CEP128: variants seen among roughly 807,000 people sequenced by gnomAD.
The protein encoded by CEP128 is centrosomal protein 128.
CEP128 carries 132 observed loss-of-function variants against 156.7 expected under a neutral mutation model. The observed-to-expected ratio is 0.84, with a 90% confidence interval of 0.73 to 0.97. CEP128 has a LOEUF of 0.97. Among genes scored for constraint, CEP128 ranks in the 50% least tolerant of loss-of-function variants. The pLI, the probability that CEP128 is intolerant of heterozygous loss-of-function variation, is 0.00. For missense variants in CEP128, 1,252 were observed against 1,281.9 expected (o/e 0.98, Z 0.36); for synonymous variants, 469 against 448.9 (o/e 1.04, Z -0.57).
intron 2 of CEP128, chr14:80,955,288 G>A: frequency 2.7e-6 from 1 of 375,584 alleles, no homozygotes; most frequent in Non-Finnish European, 5.0e-6. Flanking sequence ...GATTTAAAGA[G>A]GAGGAAAGGA....
chr14:80,555,139 TTATC>T (rs1890377508), intron 21 of CEP128, among the ~76,000 whole-genome samples: 3 of 152,240 alleles, frequency 2.0e-5, no homozygotes, highest in South Asian at 4.1e-4. Flanking sequence ...TCTCAAACTG[TTATC>T]TATCTCTCTA....
intron 19 of CEP128, among the ~76,000 whole-genome samples, chr14:80,690,681 A>G (rs1340947618): frequency 6.6e-6 from 1 of 152,192 alleles, no homozygotes; most frequent in Admixed American, 6.5e-5. Context: ...CTAACAATGA[A>G]TCCAACTAAC....
In CEP128 at chr14:80,530,920, TA is replaced by T. The variant is rs60585438; in HGVS notation, c.2881-35del. 3,100 of 1,413,260 alleles carry T rather than the reference TA, an allele frequency of 2.2e-3. 58 individuals carry two copies. In the African/African-American group the frequency reaches 0.04, roughly 18 times the overall value. 87.5% of individuals were successfully genotyped at this position (1,413,260 alleles called of 1,614,324 possible). A position where few individuals can be genotyped will look rare whatever the true frequency, so the allele number is the denominator to read the frequency against. Reference sequence around the variant, plus strand: ...GAAAACATAAGGAAACCAAACATTATAAAAAATTGATTAATACTCTCAGAAT... The same window carrying T: ...GAAAACATAAGGAAACCAAACATTATAAAAATTGATTAATACTCTCAGAAT... On this transcript the variant is annotated intron_variant, in intron 21 of 24. Transcript: ENST00000555265.
intron 19 of CEP128, among the ~76,000 whole-genome samples, chr14:80,643,517 G>A (rs184910241): frequency 9.9e-5 from 15 of 152,222 alleles, no homozygotes; most frequent in African/African-American, 3.1e-4. Flanking sequence ...AGGAGATCAA[G>A]ACCAGTCTGG....
intron 9 of CEP128, among the ~76,000 whole-genome samples, chr14:80,860,007 G>C (rs1887435801): frequency 6.6e-6 from 1 of 152,142 alleles, no homozygotes; most frequent in African/African-American, 2.4e-5. Flanking sequence ...ACAGTGGCTA[G>C]AAGTTCAGGC....
intron 19 of CEP128, among the ~76,000 whole-genome samples, chr14:80,705,716 T>C (rs1221457223): frequency 6.6e-6 from 1 of 152,126 alleles, no homozygotes; most frequent in Non-Finnish European, 1.5e-5. Context: ...GCTTGGAGCC[T>C]TGGGGCAGCC....
chr14:80,749,090 A>C (rs996304621), intron 18 of CEP128, among the ~76,000 whole-genome samples: 1 of 152,114 alleles, frequency 6.6e-6, no homozygotes, highest in African/African-American at 2.4e-5. Context: ...GTGGACACAG[A>C]GGTGCTTGTT....
intron 19 of CEP128, among the ~76,000 whole-genome samples, chr14:80,676,633 A>T (rs760210959): frequency 1.3e-5 from 2 of 152,136 alleles, no homozygotes; most frequent in African/African-American, 4.8e-5. Context: ...TTAATTTTTT[A>T]AATGCTAGTA....
intron 19 of CEP128, among the ~76,000 whole-genome samples, chr14:80,619,707 TAA>T (rs200840072): frequency 7.5e-4 from 74 of 99,206 alleles, no homozygotes; most frequent in Middle Eastern, 6.0e-3. Context: ...TGTCTCAAGT[TAA>T]AAAAAAAAAA....
chr14:80,610,915 AG>A (rs1307352639), intron 19 of CEP128, among the ~76,000 whole-genome samples: 1 of 152,170 alleles, frequency 6.6e-6, no homozygotes. Context: ...GTAAGTAAAA[AG>A]TAAGATATTG....
intron 8 of CEP128, among the ~76,000 whole-genome samples, chr14:80,891,104 G>T (rs1889076775): frequency 6.6e-6 from 1 of 152,106 alleles, no homozygotes; most frequent in African/African-American, 2.4e-5. Flanking sequence ...CTGTTGATGG[G>T]AATGTAAATT....
chr14:80,613,709 G>A (rs760752333), intron 19 of CEP128, among the ~76,000 whole-genome samples: 1 of 152,032 alleles, frequency 6.6e-6, no homozygotes, highest in Non-Finnish European at 1.5e-5. Flanking sequence ...ATGTACATAT[G>A]CTGTTTATAT....
intron 13 of CEP128, among the ~76,000 whole-genome samples, chr14:80,806,191 T>C (rs1884165722): frequency 6.6e-6 from 1 of 152,128 alleles, no homozygotes; most frequent in Non-Finnish European, 1.5e-5. Context: ...GTCTTAGTGA[T>C]TAAAAATAGT....
intron 22 of CEP128, chr14:80,527,301 A>T (rs1248537281): frequency 2.3e-6 from 1 of 444,374 alleles, no homozygotes. Flanking sequence ...ATGGTGGTGC[A>T]TGGCTGTAGT....
chr14:80,656,774 G>C (rs561603160), intron 19 of CEP128, among the ~76,000 whole-genome samples: 2 of 152,108 alleles, frequency 1.3e-5, no homozygotes, highest in African/African-American at 4.8e-5. Context: ...CCCTCCTCTG[G>C]TCATCACCTG....
chr14:80,809,440 T>C (rs1884377032), intron 13 of CEP128, among the ~76,000 whole-genome samples: 1 of 152,114 alleles, frequency 6.6e-6, no homozygotes. Flanking sequence ...TTCAAAAACC[T>C]ACTTAACAAA....
intron 10 of CEP128, among the ~76,000 whole-genome samples, chr14:80,838,568 T>C (rs1164983720): frequency 6.6e-6 from 1 of 152,132 alleles, no homozygotes; most frequent in African/African-American, 2.4e-5. Context: ...CTCCATTCTA[T>C]CATCTCTAAA....
chr14:80,681,096 G>A (rs749396868), intron 19 of CEP128, among the ~76,000 whole-genome samples: 1 of 152,030 alleles, frequency 6.6e-6, no homozygotes, highest in Non-Finnish European at 1.5e-5. Flanking sequence ...AAACTGCACA[G>A]CCCAATATAA....
intron 8 of CEP128, among the ~76,000 whole-genome samples, chr14:80,870,476 T>G (rs1164763089): frequency 6.6e-6 from 1 of 151,934 alleles, no homozygotes; most frequent in African/African-American, 2.4e-5. Flanking sequence ...ATTAACAGAA[T>G]AAAGAATAAA....
Sources: gnomAD v4.1 joint callset for allele counts (sites outside exome capture counted in the v4.1 genomes callset) on GRCh38, gnomAD v4.1.1 for gene constraint, MANE v1.5 for transcripts, NCBI Gene and HGNC (gene_info 2026-07-23, HGNC 2026-07-21) for gene names.